NOL9: variants seen among roughly 807,000 people sequenced by gnomAD.
NOL9 encodes the protein polynucleotide 5'-hydroxyl-kinase NOL9.
A neutral mutation model predicts 67.9 loss-of-function variants in NOL9; 28 were observed. The ratio of observed to expected loss-of-function variants is 0.41; its 90% CI spans 0.31 to 0.57. NOL9 has a LOEUF of 0.57. NOL9 is among the 20% of genes least tolerant of loss of function. The probability of loss-of-function intolerance (pLI) is 0.25; values close to 1 mark genes in which losing one functional copy is unlikely to be tolerated. For missense variants in NOL9, 777 were observed against 897.0 expected (o/e 0.87, Z 1.71); for synonymous variants, 356 against 352.2 (o/e 1.01, Z -0.12).
At position 6,541,876 on chromosome 1, in the gene NOL9, G is replaced by A; in HGVS notation, c.1029C>T (p.Thr343=). The change falls in exon 6 of 12, where the codon ACC becomes ACT. Residue 343 remains threonine, a synonymous_variant. Transcript: ENST00000377705. ...TAAGCAAAGAAATGCAACCAGGAGG[G>A]GTAAATTCTGTCTGTCCCAGATCAC... ...LECDLGQTEF[T]PPGCISLLNI... is the part of the protein sequence containing the mutation. The A allele has an allele frequency of 6.2e-7, 1 of 1,607,760 alleles. No homozygotes were observed. Among genetic ancestry groups the A allele is most frequent in the Non-Finnish European group, 8.5e-7 (1 of 1,177,236 alleles).
Position 6,544,512 on chromosome 1 carries a change from A to AAC in NOL9, c.977+312_977+313dup, listed in dbSNP as rs568631480. ...CAGCCTGAGGGAAACCCTGTCTGAA[A>AAC]ACACACACACACACACGCACGCACA... On this transcript the variant is annotated intron_variant, in intron 5 of 11. Coordinates refer to ENST00000377705, the MANE Select transcript of NOL9 (RefSeq NM_024654.5). 2.3e-3 allele frequency among the ~76,000 whole-genome samples: 242 copies of AAC among 105,032 alleles called. 1 individual carries two copies. Among genetic ancestry groups the AAC allele is most frequent in the African/African-American group, 5.9e-3 (204 of 34,732 alleles). 68.9% of individuals were successfully genotyped at this position (105,032 alleles called of 152,430 possible). A position where few individuals can be genotyped will look rare whatever the true frequency, so the allele number is the denominator to read the frequency against.
intron 2 of NOL9, among the ~76,000 whole-genome samples, chr1:6,550,089 T>C (rs1437041057): frequency 1.3e-5 from 2 of 152,102 alleles, no homozygotes; most frequent in Admixed American, 6.6e-5. Context: ...TGGAGTGCAG[T>C]GGCGTGATCT....
intron 10 of NOL9, 129 bp from the exon 11 acceptor site, chr1:6,526,958 A>G: frequency 8.0e-7 from 1 of 1,253,636 alleles, no homozygotes; most frequent in Non-Finnish European, 1.1e-6. Flanking sequence ...GAAAATACAA[A>G]GAGCTGGCCA....
chr1:6,529,420 C>T (rs970576564), intron 9 of NOL9, among the ~76,000 whole-genome samples: 28 of 151,912 alleles, frequency 1.8e-4, no homozygotes, highest in Admixed American at 1.8e-3. Flanking sequence ...GAAACCTTGT[C>T]TCTACAAAAA....
intron 6 of NOL9, among the ~76,000 whole-genome samples, chr1:6,535,007 T>C (rs550810547): frequency 5.3e-5 from 8 of 152,242 alleles, no homozygotes; most frequent in African/African-American, 1.9e-4. Flanking sequence ...GGTTTTGTTA[T>C]GTTGGCCAAG....
chr1:6,548,318 T>C (rs1443265360), intron 3 of NOL9: 1 of 158,600 alleles, frequency 6.3e-6, no homozygotes, highest in Non-Finnish European at 1.4e-5. Context: ...GCTAATTTTG[T>C]GTATATTTAG....
chr1:6,534,783 GTCTC>G (rs748313094), intron 6 of NOL9, among the ~76,000 whole-genome samples: 6 of 152,132 alleles, frequency 3.9e-5, no homozygotes, highest in Non-Finnish European at 7.4e-5. Flanking sequence ...ATGGCTCTCT[GTCTC>G]TCTCTCTTTC....
Position 6,525,826 on chromosome 1 carries a change from G to C in NOL9, c.*28C>G, listed in dbSNP as rs1237236721. The C allele has an allele frequency of 1.2e-6, 2 of 1,612,722 alleles. No individual in the cohort carries two copies. The highest frequency in any genetic ancestry group is 1.7e-6 in the Non-Finnish European group (2 of 1,179,186). On this transcript the variant is annotated 3_prime_UTR_variant, in exon 12 of 12. Transcript: ENST00000377705. Reference sequence around the variant, plus strand: ...TGAGACAAAGCTTTCTGGTAGGAAAGTTTCTTCCCTTATTAAAAACGCGAG... The same window carrying C: ...TGAGACAAAGCTTTCTGGTAGGAAACTTTCTTCCCTTATTAAAAACGCGAG...
At chr1:6,548,585 G>T in intron 3 of NOL9, 1 of 381,294 alleles carries the variant, frequency 2.6e-6, no homozygotes, top group South Asian at 2.2e-5. Context: ...CATTGTAAAA[G>T]TGCTGAAGGC....
chr1:6,523,691 C>T lies in NOL9; in HGVS notation c.*2163G>A, dbSNP rs186094893. On this transcript the variant is annotated 3_prime_UTR_variant, in exon 12 of 12. Coordinates refer to ENST00000377705, the MANE Select transcript of NOL9 (RefSeq NM_024654.5). ...GCAGGTCTGACCGGCACAAGCTAGA[C>T]CTGACAGAGGCCTTGGCTCCCTGTC... The T allele has an allele frequency of 7.2e-5, 11 of 152,116 alleles. No homozygotes were observed. The highest frequency in any genetic ancestry group is 2.4e-4 in the African/African-American group (10 of 41,466). The allele number at this position is 152,116 out of a possible 1,614,324, so 9.4% of individuals were successfully genotyped here.
At chr1:6,544,282 C>CAA (rs573645869) in intron 5 of NOL9, among the ~76,000 whole-genome samples, 15 of 137,974 alleles carry the variant, frequency 1.1e-4, no homozygotes, top group African/African-American at 3.5e-4. Context: ...GACCCGGTCT[C>CAA]AAAAAAAAAA....
At position 6,523,391 on chromosome 1, in the gene NOL9, C is replaced by G. The variant is rs570208471; in HGVS notation, c.*2463G>C. Reference sequence around the variant, plus strand: ...GGACAGGAGTTCAAAACCAGCCTGGCCAACATGGTGAAACCCCTTCTCTAC... The same window carrying G: ...GGACAGGAGTTCAAAACCAGCCTGGGCAACATGGTGAAACCCCTTCTCTAC... On this transcript the variant is annotated 3_prime_UTR_variant, in exon 12 of 12. Coordinates refer to ENST00000377705, the MANE Select transcript of NOL9 (RefSeq NM_024654.5). The G allele has an allele frequency of 6.6e-6, 1 of 151,224 alleles. No homozygotes were observed. Among genetic ancestry groups the G allele is most frequent in the African/African-American group, 2.4e-5 (1 of 41,128 alleles). The allele number at this position is 151,224 out of a possible 1,614,324, so 9.4% of individuals were successfully genotyped here.
chr1:6,536,567 C>T (rs1036056065), intron 6 of NOL9, among the ~76,000 whole-genome samples: 2 of 152,058 alleles, frequency 1.3e-5, no homozygotes, highest in East Asian at 1.9e-4. Flanking sequence ...GTGGCTCACA[C>T]TTGTAATCTC....
At chr1:6,540,654 T>C (rs1158851872) in intron 6 of NOL9, among the ~76,000 whole-genome samples, 4 of 151,960 alleles carry the variant, frequency 2.6e-5, no homozygotes, top group Non-Finnish European at 5.9e-5. Context: ...GGTGAAACGC[T>C]GTCTCTACTA....
chr1:6,533,118 T>C (rs1211993982), intron 7 of NOL9, among the ~76,000 whole-genome samples, 162 bp downstream of exon 7: 2 of 152,146 alleles, frequency 1.3e-5, no homozygotes, highest in African/African-American at 4.8e-5. Flanking sequence ...GAGGATGCAG[T>C]GAGCCGAGAT....
rs1638813577 is a variant in NOL9 at position 6,523,433 on chromosome 1, G to A, written c.*2421C>T. 6.6e-6 allele frequency: 1 copy of A among 151,706 alleles called. No homozygotes were observed. The highest frequency in any genetic ancestry group is 2.4e-5 in the African/African-American group (1 of 41,312). 9.4% of individuals were successfully genotyped at this position (151,706 alleles called of 1,614,324 possible). ...CTTCTCTACTAAAAATAGAAAATCA[G>A]CCAGGCATGGTGGCGCATGCCTGTA... is the stretch of plus-strand genomic sequence containing the variant. On this transcript the variant is annotated 3_prime_UTR_variant, in exon 12 of 12. Transcript: ENST00000377705.
chr1:6,549,436 C>A, intron 3 of NOL9, 135 bp downstream of exon 3: 1 of 932,042 alleles, frequency 1.1e-6, no homozygotes, highest in Non-Finnish European at 1.6e-6. Flanking sequence ...TTTCCGTATA[C>A]ACGTATTACA....
At chr1:6,528,295 C>A (rs893959006) in intron 10 of NOL9, among the ~76,000 whole-genome samples, 1 of 152,160 alleles carries the variant, frequency 6.6e-6, no homozygotes, top group Non-Finnish European at 1.5e-5. Context: ...GGGTTCAGGT[C>A]ATTCCTGGCT....
intron 5 of NOL9, among the ~76,000 whole-genome samples, chr1:6,543,751 G>C (rs1289594379): frequency 6.6e-6 from 1 of 152,208 alleles, no homozygotes; most frequent in Non-Finnish European, 1.5e-5. Flanking sequence ...CAAGGTAGGA[G>C]GATTGCTTGA....
Sources: allele counts gnomAD v4.1 joint callset (sites outside exome capture counted in the v4.1 genomes callset), GRCh38; gene constraint gnomAD v4.1.1; transcripts MANE v1.5; gene names NCBI Gene and HGNC (gene_info 2026-07-23, HGNC 2026-07-21).